The following BRCA1 variants were observed in gnomAD, a reference collection of about 807,000 sequenced individuals.
BRCA1 encodes the protein breast cancer type 1 susceptibility protein.
Under a neutral mutation model 173.7 loss-of-function variants are expected in BRCA1, and 140 were observed. That is an observed-to-expected ratio of 0.81 (90% CI 0.70 to 0.93). BRCA1 has a LOEUF of 0.93. Among genes scored for constraint, BRCA1 ranks in the 40% least tolerant of loss-of-function variants. The probability of loss-of-function intolerance (pLI) is 0.00; values close to 1 mark genes in which losing one functional copy is unlikely to be tolerated. For missense variants in BRCA1, 1,983 were observed against 2,172.5 expected, an observed-to-expected ratio of 0.91 and a Z score of 1.73; for synonymous variants, 662 against 756.0, an observed-to-expected ratio of 0.88 and a Z score of 2.04.
At chr17:43,122,290 T>C (rs905433018) in intron 2 of BRCA1, among the ~76,000 whole-genome samples, 2 of 152,230 alleles carry the variant, frequency 1.3e-5, no homozygotes, top group African/African-American at 4.8e-5. Context: ...TACTCACTAC[T>C]AACCATCACC....
chr17:43,055,235 G>C (rs1169132722), intron 19 of BRCA1, among the ~76,000 whole-genome samples: 3 of 152,240 alleles, frequency 2.0e-5, no homozygotes, highest in African/African-American at 7.2e-5. Context: ...AATATGATCA[G>C]GAGAAAGTCA....
intron 3 of BRCA1, among the ~76,000 whole-genome samples, chr17:43,113,461 G>A (rs2055129581): frequency 1.3e-5 from 2 of 151,974 alleles, no homozygotes; most frequent in African/African-American, 4.8e-5. Flanking sequence ...CTGCCTCCCA[G>A]GTTCAAGTGA....
intron 14 of BRCA1, among the ~76,000 whole-genome samples, chr17:43,072,910 T>G (rs1349136780): frequency 6.7e-6 from 1 of 148,454 alleles, no homozygotes; most frequent in African/African-American, 2.5e-5. Context: ...AGAGATCAGG[T>G]CTCGCTACAT....
At chr17:43,047,419 A>T (rs889653306) in intron 22 of BRCA1, among the ~76,000 whole-genome samples, 2 of 152,102 alleles carry the variant, frequency 1.3e-5, no homozygotes, top group Admixed American at 6.5e-5. Flanking sequence ...TGTTTTTGTG[A>T]TGAACATTCA....
intron 1 of BRCA1, among the ~76,000 whole-genome samples, chr17:43,134,439 C>T (rs1308900210): frequency 6.6e-6 from 1 of 152,100 alleles, no homozygotes; most frequent in Non-Finnish European, 1.5e-5. Flanking sequence ...CTCCAGCACA[C>T]AGCAGCTGCA....
At chr17:43,053,489 C>T (rs910079791) in intron 19 of BRCA1, among the ~76,000 whole-genome samples, 18 of 151,880 alleles carry the variant, frequency 1.2e-4, no homozygotes, top group Non-Finnish European at 1.9e-4. Flanking sequence ...AGTGAAAACC[C>T]GTCTCTACTA....
chr17:43,111,561 C>T (rs1289415200), intron 3 of BRCA1, among the ~76,000 whole-genome samples: 1 of 151,266 alleles, frequency 6.6e-6, no homozygotes, highest in African/African-American at 2.4e-5. Flanking sequence ...GTGGCTCACA[C>T]TTGTAATCCC....
chr17:43,066,805 TC>T (rs1192933432), intron 16 of BRCA1, among the ~76,000 whole-genome samples: 1 of 129,976 alleles, frequency 7.7e-6, no homozygotes, highest in Admixed American at 7.8e-5. Flanking sequence ...CTCACCACCC[TC>T]CAAACCTTTT....
intron 15 of BRCA1, among the ~76,000 whole-genome samples, chr17:43,069,115 G>T (rs1442366946): frequency 6.6e-6 from 1 of 152,126 alleles, no homozygotes; most frequent in East Asian, 1.9e-4. Flanking sequence ...ACTCCATACT[G>T]CCACAGGGCA....
rs1597887463 is a variant in BRCA1, at chr17:43,099,759, A to C, written c.547+16T>G. Reference sequence around the variant, plus strand: ...AGCAATTATTATTAAATACTTAAAAAACCTGAGACCCTTACCCAATTCAAT... The same window carrying C: ...AGCAATTATTATTAAATACTTAAAACACCTGAGACCCTTACCCAATTCAAT... On this transcript the variant is annotated intron_variant, in intron 7 of 22. Transcript: ENST00000357654. 6.3e-7 allele frequency: 1 copy of C among 1,578,902 alleles called. No homozygotes were observed. The highest frequency in any genetic ancestry group is 1.3e-5 in the African/African-American group (1 of 74,098).
rs757936216 is a variant in BRCA1, at chr17:43,094,604, T to C, written c.927A>G (p.Lys309=). 3.7e-6 allele frequency: 6 copies of C among 1,614,190 alleles called. No individual in the cohort carries two copies. Among genetic ancestry groups the C allele is most frequent in the Non-Finnish European group, 5.1e-6 (6 of 1,180,034 alleles). Residue 309 remains lysine, a synonymous_variant, in exon 10 of 23, where the codon AAA becomes AAG. Transcript: ENST00000357654. The part of the protein sequence containing the change: ...VEKAEFCNKS[K]QPGLARSQHN... ...GTTGGCTCCTTGCTAAGCCAGGCTG[T>C]TTGCTTTTATTACAGAATTCAGCCT...
chr17:43,074,178 C>A lies in BRCA1; in HGVS notation c.4675+153G>T, dbSNP rs546238440. ...ATTTTCAAGTAAACCTTGATTAACACTTGAGCTATTTTTCTAAAGTGGGCT... is the reference window on the plus strand; with the variant it reads ...ATTTTCAAGTAAACCTTGATTAACAATTGAGCTATTTTTCTAAAGTGGGCT... On this transcript the variant is annotated intron_variant, in intron 14 of 22. Coordinates refer to ENST00000357654, the MANE Select transcript of BRCA1 (RefSeq NM_007294.4). 1.8e-4 allele frequency among the ~76,000 whole-genome samples: 28 copies of A among 152,264 alleles called. 1 individual carries two copies. The South Asian group carries it at 5.2e-3, about 28-fold the overall frequency.
At position 43,149,912 on chromosome 17, in the gene BRCA1, C is replaced by G. The variant is rs573405365; in HGVS notation, c.-20+20214G>C. On this transcript the variant is annotated intron_variant, in intron 1 of 7. Coordinates refer to the BRCA1 transcript ENST00000634433. ...CAAGCAATTCTCCTGCCTCAACCAC[C>G]CGAGTAGCTGGGATTACAGGAACCC... Among the ~76,000 whole-genome samples the G allele has an allele frequency of 1.9e-4, 29 of 152,134 alleles. 1 individual carries two copies. Among genetic ancestry groups the G allele is most frequent in the African/African-American group, 6.8e-4 (28 of 41,466 alleles).
At chr17:43,120,989 G>A (rs1030133557) in intron 2 of BRCA1, among the ~76,000 whole-genome samples, 78 of 151,678 alleles carry the variant, frequency 5.1e-4, no homozygotes, top group African/African-American at 1.7e-3. Flanking sequence ...GCTTGAACTT[G>A]AACCTGGCAG....
rs562553169 is a variant in BRCA1, at chr17:43,094,360, C to A, written c.1171G>T (p.Glu391Ter). 2 of 1,614,162 alleles carry A rather than the reference C, an allele frequency of 1.2e-6. No homozygotes were observed. Among genetic ancestry groups the A allele is most frequent in the East Asian group, 2.2e-5 (1 of 44,884 alleles). Residue 391 changes from glutamate to a stop codon, truncating the protein, a stop_gained, in exon 10 of 23, where the codon GAA (glutamate) becomes TAA (stop). Transcript: ENST00000357654. LOFTEE classifies it high-confidence loss of function. ...KVNEWFSRSD[E>*]LLGSDDSHDG... ...TGTGAGTCATCAGAACCTAACAGTT[C>A]ATCACTTCTGGAAAACCACTCATTA... is the stretch of plus-strand genomic sequence containing the variant.
chr17:43,112,761 T>C (rs1391949280), intron 3 of BRCA1, among the ~76,000 whole-genome samples: 1 of 151,980 alleles, frequency 6.6e-6, no homozygotes, highest in Non-Finnish European at 1.5e-5. Context: ...CTCACTCTTC[T>C]CCAGTTGCCA....
Position 43,100,684 on chromosome 17 carries a change from T to C in BRCA1, c.442-804A>G, listed in dbSNP as rs1396941132. Among the ~76,000 whole-genome samples the C allele has an allele frequency of 4.5e-3, 56 of 12,556 alleles. 6 individuals are homozygous for C. The highest frequency in any genetic ancestry group is 8.6e-3 in the Non-Finnish European group (23 of 2,670). The allele number at this position is 12,556 out of a possible 152,430, so 8.2% of individuals were successfully genotyped here. A position where few individuals can be genotyped will look rare whatever the true frequency, so the allele number is the denominator to read the frequency against. ...TATATATATATATATATATAATATA[T>C]ATATATATATATATATATGTAATCC... On this transcript the variant is annotated intron_variant, in intron 6 of 22. Transcript: ENST00000357654.
intron 11 of BRCA1, among the ~76,000 whole-genome samples, chr17:43,083,162 TTTTC>T (rs527906133): frequency 1.6e-4 from 25 of 151,916 alleles, no homozygotes; most frequent in African/African-American, 2.7e-4. Flanking sequence ...CTTTAGTTTC[TTTTC>T]TTTCTTTCTT....
chr17:43,090,741 C>A (rs751137579), intron 11 of BRCA1, among the ~76,000 whole-genome samples: 1 of 151,842 alleles, frequency 6.6e-6, no homozygotes, highest in Non-Finnish European at 1.5e-5. Flanking sequence ...GCTGTGTGTG[C>A]GCGTGTGCGT....
Sources: allele counts gnomAD v4.1 joint callset (sites outside exome capture counted in the v4.1 genomes callset), GRCh38; gene constraint gnomAD v4.1.1; transcripts MANE v1.5; gene names NCBI Gene and HGNC (gene_info 2026-07-23, HGNC 2026-07-21).